The following HDAC9 variants were observed in gnomAD, a reference collection of about 807,000 sequenced individuals.
HDAC9 encodes histone deacetylase 9.
In HDAC9, 41 loss-of-function variants were observed where a neutral mutation model predicts 139.4. The ratio of observed to expected loss-of-function variants is 0.29; its 90% CI spans 0.23 to 0.38. The LOEUF (loss-of-function observed/expected upper bound fraction) is 0.38. HDAC9 is among the 10% of genes least tolerant of loss of function. The pLI is 1.00. For synonymous variants in HDAC9, 517 were observed against 476.2 expected (o/e 1.09, Z -1.12); for missense variants, 1,147 against 1,297.0 (o/e 0.88, Z 1.78).
At chr7:18,634,792 C>A in intron 8 of HDAC9, 50 bp downstream of exon 8, 1 of 1,116,940 alleles carries the variant, frequency 9.0e-7, no homozygotes, top group Non-Finnish European at 1.3e-6. Context: ...TTCTGATTAG[C>A]TACCTAATAC....
chr7:18,494,642 G>A (rs1563045814), upstream of HDAC9, among the ~76,000 whole-genome samples: 1 of 151,984 alleles, frequency 6.6e-6, no homozygotes, highest in Non-Finnish European at 1.5e-5. Context: ...ATAAAACTCT[G>A]ATACTATCTA....
intron 1 of HDAC9, among the ~76,000 whole-genome samples, chr7:18,416,168 T>C (rs1470175680): frequency 1.3e-5 from 2 of 151,974 alleles, no homozygotes; most frequent in East Asian, 3.9e-4. Flanking sequence ...TGGTGGCGCA[T>C]GCCTGTAATC....
chr7:18,975,220 T>C (rs2526640), intron 24 of HDAC9, among the ~76,000 whole-genome samples: 127,063 of 152,204 alleles, frequency 0.83, 53,272 homozygotes, highest in African/African-American at 0.9. Context: ...TCAGCCAGTA[T>C]ATATATTAAA....
intron 12 of HDAC9, among the ~76,000 whole-genome samples, chr7:18,691,096 C>T (rs935689247): frequency 6.6e-6 from 1 of 151,918 alleles, no homozygotes; most frequent in African/African-American, 2.4e-5. Context: ...TTTACACATG[C>T]ATAGAAGGTC....
chr7:18,953,271 CTTTA>C (rs1242096438), intron 23 of HDAC9, among the ~76,000 whole-genome samples: 4 of 152,052 alleles, frequency 2.6e-5, no homozygotes, highest in Non-Finnish European at 5.9e-5. Flanking sequence ...GTTACTATTA[CTTTA>C]TTTGCTTTTT....
At chr7:18,235,381 C>T (rs1027789697) in intron 2 of HDAC9, among the ~76,000 whole-genome samples, 2 of 151,962 alleles carry the variant, frequency 1.3e-5, no homozygotes, top group South Asian at 4.2e-4. Flanking sequence ...GAAAACAATG[C>T]ACAAGTTTTG....
At chr7:18,156,399 T>G (rs2128123619) in intron 1 of HDAC9, among the ~76,000 whole-genome samples, 1 of 152,342 alleles carries the variant, frequency 6.6e-6, no homozygotes, top group African/African-American at 2.4e-5. Context: ...TTCTAGATGG[T>G]GGCCCATCTC....
intron 1 of HDAC9, among the ~76,000 whole-genome samples, chr7:18,140,836 CA>C (rs1299913815): frequency 1.3e-5 from 2 of 150,636 alleles, no homozygotes; most frequent in African/African-American, 4.9e-5. Flanking sequence ...ACCTTAAAAA[CA>C]AAGCAATTTC....
At position 18,652,536 on chromosome 7, in the gene HDAC9, T is replaced by C. The variant is rs117921168; in HGVS notation, c.1467+3853T>C. On this transcript the variant is annotated intron_variant, in intron 11 of 25. Transcript: ENST00000686413. Reference sequence around the variant, plus strand: ...TAGTCACTTCACTATTTGAATGATATATAGAAAATTTTCAAAATCTCTTTA... The same window carrying C: ...TAGTCACTTCACTATTTGAATGATACATAGAAAATTTTCAAAATCTCTTTA... Among the ~76,000 whole-genome samples the C allele has an allele frequency of 6.9e-3, 1,058 of 152,262 alleles. 9 individuals are homozygous for C. Among genetic ancestry groups the C allele is most frequent in the Non-Finnish European group, 0.011 (715 of 67,992 alleles).
chr7:18,726,594 T>C (rs1305897891), intron 12 of HDAC9, among the ~76,000 whole-genome samples: 1 of 152,066 alleles, frequency 6.6e-6, no homozygotes, highest in Non-Finnish European at 1.5e-5. Flanking sequence ...TCACATTCGT[T>C]AGGAAAGATA....
intron 1 of HDAC9, among the ~76,000 whole-genome samples, chr7:18,135,662 A>G (rs1384673920): frequency 5.0e-5 from 7 of 141,404 alleles, no homozygotes; most frequent in Non-Finnish European, 9.1e-5. Flanking sequence ...ATAGTATTCC[A>G]TGGTGTATAT....
chr7:18,763,695 T>G (rs926433436), intron 15 of HDAC9, among the ~76,000 whole-genome samples: 1 of 152,114 alleles, frequency 6.6e-6, no homozygotes, highest in African/African-American at 2.4e-5. Flanking sequence ...CAAGATGAAG[T>G]AAACCAGACA....
At chr7:18,493,016 CATGTTAAATA>C (rs1796481105), upstream of HDAC9, among the ~76,000 whole-genome samples, 2 of 151,872 alleles carry the variant, frequency 1.3e-5, no homozygotes, top group African/African-American at 4.8e-5. Context: ...AAATAAACCT[CATGTTAAATA>C]ATGGTCAAAA....
chr7:18,670,253 C>G (rs1795589453), intron 12 of HDAC9, among the ~76,000 whole-genome samples: 1 of 151,930 alleles, frequency 6.6e-6, no homozygotes, highest in Admixed American at 6.6e-5. Flanking sequence ...TATTATTGAT[C>G]ATTGCTTCAT....
At chr7:18,235,713 G>T (rs1239086469) in intron 2 of HDAC9, among the ~76,000 whole-genome samples, 1 of 152,152 alleles carries the variant, frequency 6.6e-6, no homozygotes, top group Non-Finnish European at 1.5e-5. Flanking sequence ...GATTGCCATG[G>T]CAGGGAAGAT....
intron 22 of HDAC9, among the ~76,000 whole-genome samples, chr7:18,897,256 T>C (rs913382827): frequency 6.6e-6 from 1 of 151,998 alleles, no homozygotes; most frequent in African/African-American, 2.4e-5. Context: ...GGTTAAGAAA[T>C]GTGTACATCT....
At chr7:18,941,563 A>G (rs1003068514) in intron 23 of HDAC9, among the ~76,000 whole-genome samples, 1 of 152,152 alleles carries the variant, frequency 6.6e-6, no homozygotes, top group Admixed American at 6.5e-5. Flanking sequence ...GTATGGCTGA[A>G]GCTTAGTCCA....
intron 22 of HDAC9, among the ~76,000 whole-genome samples, chr7:18,935,325 A>C (rs1440618585): frequency 6.6e-6 from 1 of 152,174 alleles, no homozygotes; most frequent in East Asian, 1.9e-4. Context: ...ATCTAATGTA[A>C]TAGATTTTAC....
At chr7:18,718,168 C>A (rs1784850007) in intron 12 of HDAC9, among the ~76,000 whole-genome samples, 1 of 152,104 alleles carries the variant, frequency 6.6e-6, no homozygotes, top group Non-Finnish European at 1.5e-5. Context: ...CCACTTTTTG[C>A]CTCCATAAAT....
Sources: gnomAD v4.1 joint callset for allele counts (sites outside exome capture counted in the v4.1 genomes callset) on GRCh38, gnomAD v4.1.1 for gene constraint, MANE v1.5 for transcripts, NCBI Gene and HGNC (gene_info 2026-07-23, HGNC 2026-07-21) for gene names.